HHAT: variants seen among roughly 807,000 people sequenced by gnomAD.
HHAT encodes the protein protein-cysteine N-palmitoyltransferase HHAT.
HHAT carries 47 observed loss-of-function variants against 70.8 expected under a neutral mutation model. The observed-to-expected ratio is 0.66, with a 90% confidence interval of 0.53 to 0.85. The LOEUF (loss-of-function observed/expected upper bound fraction) is 0.85. Ranked by LOEUF, HHAT falls within the 40% of genes least tolerant of loss-of-function variation. HHAT has a pLI of 0.00. For missense variants in HHAT, 609 were observed against 604.8 expected (o/e 1.01, Z -0.07); for synonymous variants, 228 against 247.6 (o/e 0.92, Z 0.74).
rs2092240377 is a variant in HHAT, at chr1:210,404,470, T to A, written c.475T>A (p.Trp159Arg). The part of the protein sequence containing the change: ...LQGVEEVKRR[W>R]YKTENEYYLL... ...TCTCCTTTTGATTTTGTAGAGAAGG[T>A]GGTACAAGACAGAAAACGAGTACTA... The change falls in exon 6 of 12, where the codon TGG becomes AGG. Residue 159 changes from tryptophan (W) to arginine (R), a missense_variant. Trp to Arg is a moderately radical substitution (Grantham distance 101). Coordinates refer to ENST00000261458, the MANE Select transcript of HHAT (RefSeq NM_018194.6). 1 of 1,610,948 alleles carries A rather than the reference T, an allele frequency of 6.2e-7. No individual in the cohort carries two copies.
At chr1:210,456,963 C>T (rs1372780452) in intron 7 of HHAT, among the ~76,000 whole-genome samples, 1 of 152,208 alleles carries the variant, frequency 6.6e-6, no homozygotes, top group Non-Finnish European at 1.5e-5. Context: ...CTCAGTTCTG[C>T]CCATGACCTC....
intron 10 of HHAT, among the ~76,000 whole-genome samples, chr1:210,604,532 G>A (rs1188700749): frequency 6.6e-6 from 1 of 152,132 alleles, no homozygotes; most frequent in Non-Finnish European, 1.5e-5. Context: ...TAAAATAATT[G>A]TGGTGGTTAA....
intron 9 of HHAT, among the ~76,000 whole-genome samples, chr1:210,574,702 T>C (rs1197249913): frequency 6.6e-6 from 1 of 152,212 alleles, no homozygotes; most frequent in Non-Finnish European, 1.5e-5. Flanking sequence ...GGGCCCTGCC[T>C]CTGAGGCCCT....
chr1:210,566,001 C>G (rs1023732779), intron 9 of HHAT, among the ~76,000 whole-genome samples: 4 of 152,088 alleles, frequency 2.6e-5, no homozygotes, highest in African/African-American at 9.7e-5. Flanking sequence ...CTCTGGACCT[C>G]GTGCTGTCAT....
At chr1:210,485,171 C>T (rs544018500) in intron 8 of HHAT, among the ~76,000 whole-genome samples, 1 of 152,244 alleles carries the variant, frequency 6.6e-6, no homozygotes, top group East Asian at 1.9e-4. Flanking sequence ...TCAGGCCTCC[C>T]CTTCCCCCAT....
At chr1:210,636,071 T>C (rs1671815442) in intron 11 of HHAT, among the ~76,000 whole-genome samples, 1 of 152,258 alleles carries the variant, frequency 6.6e-6, no homozygotes. Flanking sequence ...TCTGTATGAA[T>C]CTGTGTCTGC....
At chr1:210,540,471 GCACACACATGCACACACACGCA>G (rs1558122853) in intron 9 of HHAT, among the ~76,000 whole-genome samples, 20 of 89,392 alleles carry the variant, frequency 2.2e-4, no homozygotes, top group Admixed American at 7.6e-4. Flanking sequence ...ACACACACAC[GCACACACATGCACACACACGCA>G]CACACACATG....
In HHAT at chr1:210,513,171, G is replaced by A; in HGVS notation, c.1026G>A (p.Leu342=). 2 of 1,526,292 alleles carry A rather than the reference G, an allele frequency of 1.3e-6. No homozygotes were observed. Among genetic ancestry groups the A allele is most frequent in the Non-Finnish European group, 1.8e-6 (2 of 1,105,022 alleles). 94.5% of individuals were successfully genotyped at this position (1,526,292 alleles called of 1,614,324 possible). A position where few individuals can be genotyped will look rare whatever the true frequency, so the allele number is the denominator to read the frequency against. Residue 342 remains leucine, a synonymous_variant, in exon 9 of 12, where the codon CTG becomes CTA. Transcript: ENST00000261458. ...TGAACAGGTATTTTGATGTTGGACT[G>A]CATAATTTCTTAATCAGGTAAGCCA... is the stretch of plus-strand genomic sequence containing the variant. The part of the protein sequence containing the change: ...TGMWRYFDVG[L]HNFLIRYVYI...
chr1:210,518,965 T>C (rs1282803028), intron 9 of HHAT, among the ~76,000 whole-genome samples: 1 of 152,198 alleles, frequency 6.6e-6, no homozygotes, highest in South Asian at 2.1e-4. Flanking sequence ...TTTTGAGAGA[T>C]GGTAAGCTCT....
chr1:210,479,001 G>A (rs896846769), intron 8 of HHAT, among the ~76,000 whole-genome samples: 1 of 151,996 alleles, frequency 6.6e-6, no homozygotes, highest in Non-Finnish European at 1.5e-5. Context: ...TCTCTTGGCT[G>A]TTGTACTCTG....
chr1:210,469,785 C>T (rs2094168938), intron 8 of HHAT, among the ~76,000 whole-genome samples: 1 of 152,072 alleles, frequency 6.6e-6, no homozygotes, highest in Non-Finnish European at 1.5e-5. Flanking sequence ...CCTCCTGCCT[C>T]AGCTTCCCAA....
At chr1:210,648,095 A>T (rs1246972218) in intron 11 of HHAT, among the ~76,000 whole-genome samples, 5 of 152,178 alleles carry the variant, frequency 3.3e-5, no homozygotes. Context: ...GTTCAAACCA[A>T]ACAAACCCAA....
intron 9 of HHAT, among the ~76,000 whole-genome samples, chr1:210,587,638 C>A (rs556563645): frequency 6.6e-6 from 1 of 152,278 alleles, no homozygotes; most frequent in Non-Finnish European, 1.5e-5. Context: ...TCTTGCCCTG[C>A]CTCTTGTAAG....
intron 8 of HHAT, among the ~76,000 whole-genome samples, chr1:210,498,630 G>A (rs2094694514): frequency 6.6e-6 from 1 of 152,300 alleles, no homozygotes; most frequent in Middle Eastern, 3.4e-3. Flanking sequence ...TACTGAAGGT[G>A]TTGTAGGCCT....
chr1:210,393,182 G>A (rs762157811), intron 4 of HHAT, among the ~76,000 whole-genome samples: 41 of 152,128 alleles, frequency 2.7e-4, no homozygotes, highest in Non-Finnish European at 4.9e-4. Flanking sequence ...ATAATCAAAT[G>A]TTTTTCAGAG....
At chr1:210,340,763 A>G (rs1237548204) in intron 1 of HHAT, among the ~76,000 whole-genome samples, 5 of 152,188 alleles carry the variant, frequency 3.3e-5, no homozygotes, top group African/African-American at 1.2e-4. Context: ...AAATTCTATT[A>G]CATTTAGACC....
chr1:210,656,565 G>A (rs531269554), intron 11 of HHAT, among the ~76,000 whole-genome samples: 10 of 152,284 alleles, frequency 6.6e-5, no homozygotes, highest in Non-Finnish European at 8.8e-5. Flanking sequence ...AGTGGGTCAC[G>A]CCAGGAAGAG....
rs143903658 is a variant in HHAT at position 210,349,000 on chromosome 1, C to A, written c.25C>A (p.Leu9Ile). Reference sequence around the variant, plus strand: ...CATGCTGCCCCGATGGGAACTGGCACTTTACCTACTTGCCTCACTAGGCTT... The same window carrying A: ...CATGCTGCCCCGATGGGAACTGGCAATTTACCTACTTGCCTCACTAGGCTT... MLPRWELA[L>I]YLLASLGFHF... The change falls in exon 2 of 12, where the codon CTT becomes ATT. Residue 9 changes from leucine to isoleucine, a missense_variant. Coordinates refer to ENST00000261458, the MANE Select transcript of HHAT (RefSeq NM_018194.6). 5.6e-6 allele frequency: 9 copies of A among 1,614,074 alleles called. No individual in the cohort carries two copies. In the East Asian group the frequency reaches 2.0e-4, roughly 36 times the overall value.
intron 9 of HHAT, among the ~76,000 whole-genome samples, chr1:210,514,905 C>A (rs2095028581): frequency 6.6e-6 from 1 of 152,212 alleles, no homozygotes; most frequent in Non-Finnish European, 1.5e-5. Flanking sequence ...CCTTTGCGAT[C>A]CCTCTTCTCT....
Sources: allele counts gnomAD v4.1 joint callset (sites outside exome capture counted in the v4.1 genomes callset), GRCh38; gene constraint gnomAD v4.1.1; transcripts MANE v1.5; gene names NCBI Gene and HGNC (gene_info 2026-07-23, HGNC 2026-07-21).